The following AATK variants were observed in gnomAD, a reference collection of about 807,000 sequenced individuals.
AATK encodes the protein serine/threonine-protein kinase LMTK1.
AATK carries 91 observed loss-of-function variants against 114.3 expected under a neutral mutation model. The observed-to-expected ratio is 0.80, with a 90% CI of 0.67 to 0.95. AATK has a LOEUF of 0.95. AATK is among the 40% of genes least tolerant of loss of function. The probability of loss-of-function intolerance (pLI) is 0.00; values close to 1 mark genes in which losing one functional copy is unlikely to be tolerated. For synonymous variants in AATK, 1,075 were observed against 916.5 expected (o/e 1.17, Z -3.12); for missense variants, 2,176 against 1,965.2 (o/e 1.11, Z -2.03).
intron 2 of AATK, chr17:81,133,212 GA>G: frequency 2.0e-6 from 1 of 492,292 alleles, no homozygotes. Flanking sequence ...GGCCACTTCA[GA>G]GGGCTCTGGA....
At chr17:81,149,257 C>T (rs998995225) in intron 1 of AATK, among the ~76,000 whole-genome samples, 4 of 152,164 alleles carry the variant, frequency 2.6e-5, no homozygotes, top group African/African-American at 9.7e-5. Flanking sequence ...CACCCACCAC[C>T]ACAGCCTCCA....
chr17:81,165,483 G>T, intron 1 of AATK: 1 of 445,548 alleles, frequency 2.2e-6, no homozygotes, highest in Non-Finnish European at 3.9e-6. Context: ...CCCGCCGGCT[G>T]CTGGTGGCTG....
At position 81,124,819 on chromosome 17, in the gene AATK, C is replaced by CA; in HGVS notation, c.869dup (p.Trp291ValfsTer17). The CA allele has an allele frequency of 6.2e-7, 1 of 1,612,252 alleles. No individual in the cohort carries two copies. Among genetic ancestry groups the CA allele is most frequent in the Non-Finnish European group, 8.5e-7 (1 of 1,179,550 alleles). ...GCGCGATCCAGCGCAGAGGCACCCA[C>CA]AGCTGGTCGGCAGTCACGAAGTAGT... On this transcript the variant is annotated frameshift_variant, in exon 9 of 14. Coordinates refer to ENST00000326724, the MANE Select transcript of AATK (RefSeq NM_001080395.3). LOFTEE classifies it high-confidence loss of function.
intron 1 of AATK, among the ~76,000 whole-genome samples, chr17:81,137,926 AGC>A (rs1399762488): frequency 3.4e-5 from 5 of 148,840 alleles, no homozygotes; most frequent in African/African-American, 7.4e-5. Context: ...ACGTGCACAC[AGC>A]CACACGCACA....
In AATK at chr17:81,134,376, C is replaced by T. The variant is rs778493366; in HGVS notation, c.181G>A (p.Gly61Arg). Reference sequence around the variant, plus strand: ...CGGCCCCCAGGCCTCACCTTGAACCCGATACCGCCCTTCTTACAGCACAGG... The same window carrying T: ...CGGCCCCCAGGCCTCACCTTGAACCTGATACCGCCCTTCTTACAGCACAGG... ...ACLCCKKGGI[G>R]FKEFENAEGD... Residue 61 changes from glycine to arginine, a missense_variant, in exon 2 of 14, where the codon GGG becomes AGG. By Grantham distance (125) the Gly-to-Arg change is moderately radical. This residue lies in a region of AATK where 178 missense variants were observed against 175.4 expected (regional missense o/e 1.01). Transcript: ENST00000326724. 42 of 1,613,042 alleles carry T rather than the reference C, an allele frequency of 2.6e-5. No individual in the cohort carries two copies. The highest frequency in any genetic ancestry group is 3.3e-5 in the Admixed American group (2 of 59,994).
chr17:81,151,275 CAGCCCCACCTGTCTCCCCCACCG>C (rs1241924025), intron 1 of AATK, among the ~76,000 whole-genome samples: 6 of 1,424 alleles, frequency 4.2e-3, no homozygotes, highest in Non-Finnish European at 0.012. Context: ...AACCCAGGCC[CAGCCCCACCTGTCTCCCCCACCG>C]ACCCCTCCTG....
In AATK at chr17:81,123,243, G is replaced by A; in HGVS notation, c.1063C>T (p.Gln355Ter). The A allele has an allele frequency of 7.1e-7, 1 of 1,414,778 alleles. No individual in the cohort carries two copies. Among genetic ancestry groups the A allele is most frequent in the Non-Finnish European group, 9.2e-7 (1 of 1,084,340 alleles). The allele number at this position is 1,414,778 out of a possible 1,614,324, so 87.6% of individuals were successfully genotyped here. The change falls in exon 10 of 14, where the codon CAG (glutamine) becomes TAG (stop). Residue 355 changes from glutamine (Q) to a stop codon, truncating the protein, a stop_gained. Transcript: ENST00000326724. LOFTEE classifies it high-confidence loss of function. ...QVLAYTVREQQLKLPKPQLQL... is the reference protein window; with the variant it reads ...QVLAYTVREQ ...AGCTGGGGCTTGGGCAGCTTGAGCT[G>A]CTGCTCCCGGACCGTGTACGCCAGC...
chr17:81,153,809 G>A (rs955047195), intron 1 of AATK, among the ~76,000 whole-genome samples: 3 of 152,128 alleles, frequency 2.0e-5, no homozygotes, highest in Non-Finnish European at 4.4e-5. Context: ...GACAGCTCAC[G>A]CCTGTAATCC....
rs369164505 is a variant in AATK at position 81,121,116 on chromosome 17, G to A, written c.2820C>T (p.Asp940=). 43 of 1,605,394 alleles carry A rather than the reference G, an allele frequency of 2.7e-5. No individual in the cohort carries two copies. The African/African-American group carries it at 4.0e-4, about 15-fold the overall frequency. ...GQPRALDSGY[D]TENYESPEFV... ...ACTCAGGGGACTCATAGTTCTCGGT[G>A]TCATAGCCACTGTCCAGCGCTCGCG... Residue 940 remains aspartate, a synonymous_variant, in exon 11 of 14, where the codon GAC becomes GAT. Coordinates refer to ENST00000326724, the MANE Select transcript of AATK (RefSeq NM_001080395.3).
chr17:81,148,064 CAAAAAAA>C (rs35731140), intron 1 of AATK, among the ~76,000 whole-genome samples: 68 of 101,824 alleles, frequency 6.7e-4, no homozygotes, highest in African/African-American at 2.5e-3. Context: ...ACAACTTTGT[CAAAAAAA>C]AAAAAAAAAA....
At chr17:81,156,190 ATGT>A (rs1271583791) in intron 1 of AATK, among the ~76,000 whole-genome samples, 1 of 139,102 alleles carries the variant, frequency 7.2e-6, no homozygotes, top group Non-Finnish European at 1.6e-5. Context: ...GTTACAATGT[ATGT>A]TATCATGTTA....
Position 81,120,720 on chromosome 17 carries a change from G to A in AATK, c.3216C>T (p.Cys1072=). The A allele has an allele frequency of 1.3e-6, 2 of 1,553,862 alleles. No individual in the cohort carries two copies. Among genetic ancestry groups the A allele is most frequent in the East Asian group, 2.3e-5 (1 of 43,110 alleles). The change falls in exon 11 of 14, where the codon TGC becomes TGT. Residue 1072 remains cysteine (C), a synonymous_variant. Transcript: ENST00000326724. ...GAGGCTCTGGGACCAGGCCCGAGGG[G>A]CAGGTGCTGGGCTCTGGGGAGGACC... ...LEGSSPEPST[C]PSGLVPEPPE...
chr17:81,140,931 G>T (rs1197629166), intron 1 of AATK, among the ~76,000 whole-genome samples: 3 of 109,978 alleles, frequency 2.7e-5, no homozygotes, highest in Admixed American at 2.5e-4. Context: ...GGGACCGTGG[G>T]ACCATGGGGC....
At position 81,126,652 on chromosome 17, in the gene AATK, AC is replaced by A. The variant is rs1212886799; in HGVS notation, c.622-93del. The A allele has an allele frequency of 2.7e-6, 4 of 1,471,672 alleles. 1 individual carries two copies. In the East Asian group the frequency reaches 7.5e-5, roughly 28 times the overall value. 91.2% of individuals were successfully genotyped at this position (1,471,672 alleles called of 1,614,324 possible). A position where few individuals can be genotyped will look rare whatever the true frequency, so the allele number is the denominator to read the frequency against. On this transcript the variant is annotated intron_variant, in intron 6 of 13. Coordinates refer to ENST00000326724, the MANE Select transcript of AATK (RefSeq NM_001080395.3). This position sits in a 1 kb window ranked among gnomAD's most constrained non-coding sequence, Gnocchi z 5.1. ...CTACCTCCCCAACTCCTCCACCCCTACCCACAGCTGAGGGACAGCAGCTGCC... is the reference window on the plus strand; with the variant it reads ...CTACCTCCCCAACTCCTCCACCCCTACCACAGCTGAGGGACAGCAGCTGCC...
chr17:81,165,894 C>T, intron 1 of AATK, 44 bp downstream of exon 1: 4 of 1,556,604 alleles, frequency 2.6e-6, no homozygotes, highest in Non-Finnish European at 3.5e-6. Context: ...ACGTCCGCAG[C>T]GGAGGGAGGC....
chr17:81,143,816 C>T lies in AATK; in HGVS notation c.56-9315G>A, dbSNP rs531293394. On this transcript the variant is annotated intron_variant, in intron 1 of 13. Coordinates refer to ENST00000326724, the MANE Select transcript of AATK (RefSeq NM_001080395.3). ...TCTGGAACCTTGGGCCCTGCCTGCC[C>T]GGGGCTCCAGGCTCTGCTCACCCGT... Among the ~76,000 whole-genome samples, 56 of 152,334 alleles carry T rather than the reference C, an allele frequency of 3.7e-4. No homozygotes were observed. The South Asian group carries it at 5.0e-3, about 14-fold the overall frequency.
In AATK at chr17:81,166,061, AGCCGCCGCATCACCCAGCG is replaced by A. The variant is rs2146437061; in HGVS notation, c.-88_-70del. 8.7e-7 allele frequency: 1 copy of A among 1,154,354 alleles called. No homozygotes were observed. Among genetic ancestry groups the A allele is most frequent in the Non-Finnish European group, 1.1e-6 (1 of 917,902 alleles). 71.5% of individuals were successfully genotyped at this position (1,154,354 alleles called of 1,614,324 possible). On this transcript the variant is annotated 5_prime_UTR_variant, in exon 1 of 14. The change abolishes an upstream ATG in the 5' untranslated region. Coordinates refer to ENST00000326724, the MANE Select transcript of AATK (RefSeq NM_001080395.3). Reference sequence around the variant, plus strand: ...TCAGGACGCCCGCGGCCCCGGCCCGAGCCGCCGCATCACCCAGCGGCCGCCGCAGGTGCGGAGCGCGCCG... The same window carrying A: ...TCAGGACGCCCGCGGCCCCGGCCCGAGCCGCCGCAGGTGCGGAGCGCGCCG...
intron 1 of AATK, among the ~76,000 whole-genome samples, chr17:81,138,429 A>G (rs1344553715): frequency 7.2e-6 from 1 of 139,854 alleles, no homozygotes; most frequent in Non-Finnish European, 1.5e-5. Flanking sequence ...ACCCATACAC[A>G]TGCAAACACA....
Position 81,120,220 on chromosome 17 carries a change from G to A in AATK, c.3716C>T (p.Thr1239Ile), listed in dbSNP as rs1452630253. ...KKAVSFFDDV[T>I]VYLFDQESPT... ...GCCCACCTGGTCAAAGAGGTAGACG[G>A]TGACGTCGTCGAAGAAGGACACGGC... Residue 1239 changes from threonine (T) to isoleucine (I), a missense_variant, in exon 11 of 14, where the codon ACC (threonine) becomes ATC (isoleucine). By Grantham distance (89) the Thr-to-Ile change is moderately conservative. This residue lies in a region of AATK where 1,701 missense variants were observed against 1,394.7 expected (regional missense o/e 1.22). Coordinates refer to ENST00000326724, the MANE Select transcript of AATK (RefSeq NM_001080395.3). The A allele has an allele frequency of 6.3e-7, 1 of 1,583,950 alleles. No homozygotes were observed. Among genetic ancestry groups the A allele is most frequent in the Non-Finnish European group, 8.6e-7 (1 of 1,158,948 alleles).
Sources: gnomAD v4.1 joint callset for allele counts (sites outside exome capture counted in the v4.1 genomes callset) on GRCh38, gnomAD v4.1.1 for gene constraint, gnomAD v4.1.1 regional missense constraint, Gnocchi (gnomAD v3.1) non-coding constraint, MANE v1.5 for transcripts, NCBI Gene and HGNC (gene_info 2026-07-23, HGNC 2026-07-21) for gene names.